IL17B: variants seen among roughly 807,000 people sequenced by gnomAD.
IL17B encodes the protein interleukin-17B.
A neutral mutation model predicts 14.7 loss-of-function variants in IL17B; 14 were observed. That is an observed-to-expected ratio of 0.95 (90% CI 0.63 to 1.49). The LOEUF is 1.49. IL17B is among the 40% of genes most tolerant of loss of function. IL17B has a pLI of 0.00. For missense variants in IL17B, 233 were observed against 252.8 expected, an observed-to-expected ratio of 0.92 and a Z score of 0.53; for synonymous variants, 105 against 94.8, an observed-to-expected ratio of 1.11 and a Z score of -0.62.
chr5:149,387,272 G>A (rs1212119679), intron 1 of IL17B, among the ~76,000 whole-genome samples: 2 of 152,240 alleles, frequency 1.3e-5, no homozygotes, highest in Non-Finnish European at 2.9e-5. Flanking sequence ...GAGGAAAGAG[G>A]AAGAAATGGC....
In IL17B at chr5:149,376,855, C is replaced by T; in HGVS notation, c.192G>A (p.Arg64=). 6.2e-7 allele frequency: 1 copy of T among 1,614,156 alleles called. No homozygotes were observed. The change falls in exon 2 of 3, where the codon AGG becomes AGA. Residue 64 remains arginine (R), a synonymous_variant. Transcript: ENST00000261796. Reference sequence around the variant, plus strand: ...GCTGGGCCACCATCTCCTCGATGTTCCTCTCATACTCCTCCATGCGGGCAT... The same window carrying T: ...GCTGGGCCACCATCTCCTCGATGTTTCTCTCATACTCCTCCATGCGGGCAT... ...KPYARMEEYE[R]NIEEMVAQLR... is the part of the protein sequence containing the mutation.
intron 1 of IL17B, among the ~76,000 whole-genome samples, chr5:149,388,686 T>C (rs1022599379): frequency 6.6e-6 from 1 of 152,156 alleles, no homozygotes; most frequent in Non-Finnish European, 1.5e-5. Flanking sequence ...AGCAAAAGTG[T>C]CCTTATCCCT....
chr5:149,400,540 C>T (rs867003536), intron 1 of IL17B, among the ~76,000 whole-genome samples: 1 of 152,200 alleles, frequency 6.6e-6, no homozygotes, highest in African/African-American at 2.4e-5. Flanking sequence ...CAGGAGTGAC[C>T]TCCTAACCCT....
At chr5:149,399,283 T>C (rs1281810740) in intron 1 of IL17B, among the ~76,000 whole-genome samples, 1 of 152,114 alleles carries the variant, frequency 6.6e-6, no homozygotes, top group Non-Finnish European at 1.5e-5. Flanking sequence ...GCATCAGGGA[T>C]CTCAGCCACA....
chr5:149,382,881 G>A (rs748651374), upstream of IL17B, among the ~76,000 whole-genome samples: 2 of 152,246 alleles, frequency 1.3e-5, no homozygotes. Flanking sequence ...TTCCTGGTAT[G>A]TGAACTAAAA....
upstream of IL17B, among the ~76,000 whole-genome samples, chr5:149,380,698 G>A (rs1429776941): frequency 1.3e-5 from 2 of 152,204 alleles, no homozygotes; most frequent in African/African-American, 2.4e-5. Context: ...GGGGCATTGT[G>A]AACAGATACT....
chr5:149,384,050 C>T (rs907196165), upstream of IL17B, among the ~76,000 whole-genome samples: 1 of 152,220 alleles, frequency 6.6e-6, no homozygotes, highest in African/African-American at 2.4e-5. Flanking sequence ...CTTAGCAAAG[C>T]GGGAACGCTT....
At chr5:149,388,816 G>T (rs1188883490) in intron 1 of IL17B, among the ~76,000 whole-genome samples, 1 of 152,330 alleles carries the variant, frequency 6.6e-6, no homozygotes, top group East Asian at 1.9e-4. Context: ...CAGAGTCAGA[G>T]GTCTGTAGAC....
intron 1 of IL17B, among the ~76,000 whole-genome samples, chr5:149,384,943 C>CTGTA (rs1177361884): frequency 3.4e-5 from 5 of 147,158 alleles, no homozygotes; most frequent in African/African-American, 1.3e-4. Flanking sequence ...GAGTCTCGCT[C>CTGTA]TGTAGCCCAG....
intron 1 of IL17B, among the ~76,000 whole-genome samples, chr5:149,400,279 C>T (rs1003805419): frequency 6.6e-6 from 1 of 151,450 alleles, no homozygotes; most frequent in Non-Finnish European, 1.5e-5. Flanking sequence ...GATATCAGGG[C>T]GATACATCTA....
At chr5:149,398,165 T>C (rs1315618292) in intron 1 of IL17B, among the ~76,000 whole-genome samples, 5 of 152,198 alleles carry the variant, frequency 3.3e-5, no homozygotes, top group African/African-American at 1.2e-4. Flanking sequence ...AGAAACCATA[T>C]CTAATTTCCA....
intron 1 of IL17B, among the ~76,000 whole-genome samples, chr5:149,378,852 A>T (rs1758613445): frequency 6.6e-6 from 1 of 152,196 alleles, no homozygotes. Context: ...CTCACTCTCC[A>T]GATGGGACAC....
At chr5:149,375,974 ACTG>A (rs1404034300) in intron 2 of IL17B, among the ~76,000 whole-genome samples, 1 of 152,214 alleles carries the variant, frequency 6.6e-6, no homozygotes, top group East Asian at 1.9e-4. Context: ...TGGCTACCAT[ACTG>A]GACTTTACAT....
chr5:149,404,158 G>A (rs1759269107), exon 1 of IL17B: 1 of 152,156 alleles, frequency 6.6e-6, no homozygotes, highest in Admixed American at 6.5e-5. Flanking sequence ...GGATTTCAAG[G>A]CTGCCTCTCC....
intron 1 of IL17B, among the ~76,000 whole-genome samples, chr5:149,392,261 T>A (rs149687618): frequency 6.6e-6 from 1 of 152,360 alleles, no homozygotes; most frequent in Non-Finnish European, 1.5e-5. Context: ...TTTACTTCTA[T>A]CTTTTCTAAT....
chr5:149,382,365 C>G (rs1265046507), upstream of IL17B, among the ~76,000 whole-genome samples: 1 of 152,142 alleles, frequency 6.6e-6, no homozygotes, highest in African/African-American at 2.4e-5. Context: ...GAGTGATTGC[C>G]TTTACTTTGA....
chr5:149,383,505 G>A (rs555303391), upstream of IL17B, among the ~76,000 whole-genome samples: 1 of 152,286 alleles, frequency 6.6e-6, no homozygotes, highest in Non-Finnish European at 1.5e-5. Flanking sequence ...CTGCGACCAG[G>A]AGGGTGCAGC....
chr5:149,378,863 T>C (rs1310645411), intron 1 of IL17B, among the ~76,000 whole-genome samples: 1 of 152,176 alleles, frequency 6.6e-6, no homozygotes, highest in Admixed American at 6.5e-5. Context: ...GATGGGACAC[T>C]GAGAAACAGA....
intron 1 of IL17B, among the ~76,000 whole-genome samples, chr5:149,398,509 G>T (rs1320145192): frequency 1.3e-5 from 2 of 152,218 alleles, no homozygotes; most frequent in African/African-American, 4.8e-5. Context: ...TACAGAGCTA[G>T]TGATGGAGGA....
Sources: allele counts gnomAD v4.1 joint callset (sites outside exome capture counted in the v4.1 genomes callset), GRCh38; gene constraint gnomAD v4.1.1; transcripts MANE v1.5; gene names NCBI Gene and HGNC (gene_info 2026-07-23, HGNC 2026-07-21).